The following SV2B variants were observed in gnomAD, a reference collection of about 807,000 sequenced individuals.
SV2B encodes solute carrier family 22 member B2.
A neutral mutation model predicts 73.9 loss-of-function variants in SV2B; 41 were observed. That is an observed-to-expected ratio of 0.56 (90% CI 0.43 to 0.72). SV2B has a LOEUF of 0.72. SV2B is among the 30% of genes least tolerant of loss of function. SV2B has a pLI of 0.00. For missense variants in SV2B, 764 were observed against 857.8 expected, an observed-to-expected ratio of 0.89 and a Z score of 1.37; for synonymous variants, 314 against 314.2, an observed-to-expected ratio of 1.00 and a Z score of 0.01.
rs542077527 is a variant in SV2B, at chr15:91,200,176, A to T, written c.-391-25697A>T. ...TTACCAAAAGGTAAGGTTTCCACTG[A>T]GGGAATCTGATGCTTTAATTTTGAG... is the stretch of plus-strand genomic sequence containing the variant. On this transcript the variant is annotated intron_variant, in intron 1 of 12. Coordinates refer to ENST00000394232, the MANE Select transcript of SV2B (RefSeq NM_001323032.3). Among the ~76,000 whole-genome samples the T allele has an allele frequency of 2.0e-5, 3 of 152,280 alleles. No individual in the cohort carries two copies. In the South Asian group the frequency reaches 6.2e-4, roughly 32 times the overall value.
intron 9 of SV2B, among the ~76,000 whole-genome samples, chr15:91,274,233 A>G (rs1470743722): frequency 5.9e-5 from 9 of 152,320 alleles, no homozygotes; most frequent in Non-Finnish European, 1.3e-4. Flanking sequence ...TGCTGGGTGA[A>G]AGGCTGGAAA....
At chr15:91,183,084 C>G (rs541795380) in intron 1 of SV2B, among the ~76,000 whole-genome samples, 5 of 152,258 alleles carry the variant, frequency 3.3e-5, no homozygotes, top group South Asian at 4.1e-4. Flanking sequence ...TAGTCCTATA[C>G]AATCAAAGGA....
intron 1 of SV2B, among the ~76,000 whole-genome samples, chr15:91,108,907 T>C (rs2041962875): frequency 6.6e-6 from 1 of 152,212 alleles, no homozygotes; most frequent in Admixed American, 6.5e-5. Flanking sequence ...TCCCGTTAAG[T>C]CTTCCTGTTT....
intron 9 of SV2B, among the ~76,000 whole-genome samples, chr15:91,273,075 C>T (rs570255950): frequency 4.7e-4 from 71 of 151,984 alleles, no homozygotes; most frequent in Non-Finnish European, 8.5e-4. Flanking sequence ...TCAAGTGATC[C>T]GCCCCCCTCG....
chr15:91,222,983 T>A (rs946259768), intron 1 of SV2B, among the ~76,000 whole-genome samples: 1 of 152,228 alleles, frequency 6.6e-6, no homozygotes, highest in Non-Finnish European at 1.5e-5. Flanking sequence ...GTTTCATACC[T>A]CTGGAGCTTA....
At position 91,302,117 on chromosome 15, in the gene SV2B, C is replaced by G. The variant is rs1474662892; in HGVS notation, c.*9565C>G. Among the ~76,000 whole-genome samples, 1 of 152,206 alleles carries G rather than the reference C, an allele frequency of 6.6e-6. No individual in the cohort carries two copies. Among genetic ancestry groups the G allele is most frequent in the African/African-American group, 2.4e-5 (1 of 41,444 alleles). On this transcript the variant is annotated 3_prime_UTR_variant, in exon 13 of 13. Transcript: ENST00000394232. ...CACAAGACTGTGACCTAATAAAACC[C>G]TCATTTTCCCTATGCATTGTGACTA...
chr15:91,218,581 A>G (rs2046112087), intron 1 of SV2B, among the ~76,000 whole-genome samples: 2 of 152,300 alleles, frequency 1.3e-5, no homozygotes, highest in South Asian at 4.2e-4. Flanking sequence ...CTTTCTTTAT[A>G]TAAAATAGAA....
rs1025305156 is a variant in SV2B at position 91,288,586 on chromosome 15, T to C, written c.1709-935T>C. ...CCAGGTTCATCCATGTTGTCATAAATGGCAGAATTCCTTTCTTTTCTTCTC... is the reference window on the plus strand; with the variant it reads ...CCAGGTTCATCCATGTTGTCATAAACGGCAGAATTCCTTTCTTTTCTTCTC... On this transcript the variant is annotated intron_variant, in intron 11 of 12. Coordinates refer to ENST00000394232, the MANE Select transcript of SV2B (RefSeq NM_001323032.3). This position sits in a 1 kb window ranked among gnomAD's most constrained non-coding sequence, Gnocchi z 5.8. Among the ~76,000 whole-genome samples, 9 of 152,160 alleles carry C rather than the reference T, an allele frequency of 5.9e-5. No individual in the cohort carries two copies. The East Asian group carries it at 1.7e-3, about 29-fold the overall frequency.
Position 91,302,282 on chromosome 15 carries a change from C to T in SV2B, c.*9730C>T, listed in dbSNP as rs1294259372. Among the ~76,000 whole-genome samples, 1 of 152,020 alleles carries T rather than the reference C, an allele frequency of 6.6e-6. No individual in the cohort carries two copies. The highest frequency in any genetic ancestry group is 6.6e-5 in the Admixed American group (1 of 15,262). On this transcript the variant is annotated 3_prime_UTR_variant, in exon 13 of 13. Transcript: ENST00000394232. ...CAGATTGATTCAAATGCGGACTTAA[C>T]ACTGCAGCTGTAACTCTGGGTCCGG...
In SV2B at chr15:91,295,002, TA is replaced by T. The variant is rs1461298496; in HGVS notation, c.*2455del. On this transcript the variant is annotated 3_prime_UTR_variant, in exon 13 of 13. Transcript: ENST00000394232. ...ACTCCTGCTGAGATAAATGCGTCTT[TA>T]AAAATAGTCTCTGTGGCAGGTCACT... The T allele has an allele frequency of 2.6e-5, 4 of 152,760 alleles. No homozygotes were observed. In the East Asian group the frequency reaches 7.7e-4, roughly 29 times the overall value. 9.5% of individuals were successfully genotyped at this position (152,760 alleles called of 1,614,324 possible).
At position 91,253,840 on chromosome 15, in the gene SV2B, TGTGCCCACAAAG is replaced by T. The variant is rs2047581751; in HGVS notation, c.784+1321_784+1332del. Among the ~76,000 whole-genome samples, 1 of 152,238 alleles carries T rather than the reference TGTGCCCACAAAG, an allele frequency of 6.6e-6. No homozygotes were observed. Among genetic ancestry groups the T allele is most frequent in the African/African-American group, 2.4e-5 (1 of 41,464 alleles). On this transcript the variant is annotated intron_variant, in intron 4 of 12. Transcript: ENST00000394232. This position sits in a 1 kb window ranked among gnomAD's most constrained non-coding sequence, Gnocchi z 5.0. ...GGGACACTGGGTAACAGTTTAGCTGTGTGCCCACAAAGTAGAGGAAGTGGGTTTGGGAACACC... is the reference window on the plus strand; with the variant it reads ...GGGACACTGGGTAACAGTTTAGCTGTTAGAGGAAGTGGGTTTGGGAACACC...
At position 91,266,611 on chromosome 15, in the gene SV2B, G is replaced by T; in HGVS notation, c.1038G>T (p.Met346Ile). 1 of 1,614,072 alleles carries T rather than the reference G, an allele frequency of 6.2e-7. No individual in the cohort carries two copies. The highest frequency in any genetic ancestry group is 8.5e-7 in the Non-Finnish European group (1 of 1,179,992). ...TVSNIKTPKQ[M>I]DEFIEIQSST... is the part of the protein sequence containing the mutation. ...CCAACATCAAAACTCCCAAGCAAAT[G>T]GATGAATTCATTGAGATCCAAAGTT... is the stretch of plus-strand genomic sequence containing the variant. The change falls in exon 7 of 13, where the codon ATG becomes ATT. Residue 346 changes from methionine to isoleucine, a missense_variant. By Grantham distance (10) the Met-to-Ile change is conservative. Transcript: ENST00000394232.
At chr15:91,108,900 C>G (rs528375322) in intron 1 of SV2B, among the ~76,000 whole-genome samples, 2 of 152,324 alleles carry the variant, frequency 1.3e-5, no homozygotes, top group East Asian at 1.9e-4. Flanking sequence ...CCTGTGGTCC[C>G]GTTAAGTCTT....
intron 9 of SV2B, among the ~76,000 whole-genome samples, chr15:91,271,592 C>T (rs2048318691): frequency 6.6e-6 from 1 of 152,184 alleles, no homozygotes; most frequent in South Asian, 2.1e-4. Context: ...AACCAACAGA[C>T]ACTAAACCTA....
chr15:91,189,160 A>AT (rs927157545), intron 1 of SV2B, among the ~76,000 whole-genome samples: 8 of 150,030 alleles, frequency 5.3e-5, no homozygotes, highest in African/African-American at 1.7e-4. Context: ...TCCAAATGTC[A>AT]TTTTTTTTTC....
chr15:91,180,548 G>C, intron 1 of SV2B, among the ~76,000 whole-genome samples: 1 of 152,114 alleles, frequency 6.6e-6, no homozygotes, highest in Non-Finnish European at 1.5e-5. Flanking sequence ...TGTAGATTTG[G>C]TCTTTTCACA....
At chr15:91,212,099 A>G (rs1373531949) in intron 1 of SV2B, among the ~76,000 whole-genome samples, 6 of 152,194 alleles carry the variant, frequency 3.9e-5, no homozygotes, top group Non-Finnish European at 7.3e-5. Context: ...CTGTTTCTAG[A>G]TGCTCTCTTA....
At chr15:91,210,838 A>G (rs777031150) in intron 1 of SV2B, among the ~76,000 whole-genome samples, 34 of 152,338 alleles carry the variant, frequency 2.2e-4, no homozygotes, top group Non-Finnish European at 2.6e-4. Flanking sequence ...CCCTTTCTTT[A>G]TAGAAAGTCT....
At chr15:91,135,884 T>G (rs954702436) in intron 1 of SV2B, among the ~76,000 whole-genome samples, 3 of 152,182 alleles carry the variant, frequency 2.0e-5, no homozygotes, top group Non-Finnish European at 4.4e-5. Flanking sequence ...CTGCCTCTCC[T>G]AAAACTCCTC....
Sources: allele counts gnomAD v4.1 joint callset (sites outside exome capture counted in the v4.1 genomes callset), GRCh38; gene constraint gnomAD v4.1.1; non-coding constraint Gnocchi (gnomAD v3.1); transcripts MANE v1.5; gene names NCBI Gene and HGNC (gene_info 2026-07-23, HGNC 2026-07-21).